Variants in MYH10 observed in about 807,000 individuals in gnomAD.
The protein encoded by MYH10 is myosin-10.
MYH10 carries 55 observed loss-of-function variants against 257.8 expected under a neutral mutation model. That is an observed-to-expected ratio of 0.21 (90% confidence interval 0.17 to 0.27). The LOEUF (loss-of-function observed/expected upper bound fraction) is 0.27. MYH10 is among the 10% of genes least tolerant of loss of function. MYH10 has a pLI of 1.00. For synonymous variants in MYH10, 854 were observed against 921.7 expected, an observed-to-expected ratio of 0.93 and a Z score of 1.33; for missense variants, 1,631 against 2,500.6, an observed-to-expected ratio of 0.65 and a Z score of 7.42.
In MYH10 at chr17:8,552,378, AAAG is replaced by A. The variant is rs1341971824; in HGVS notation, c.821-237_821-235del. Among the ~76,000 whole-genome samples the A allele has an allele frequency of 6.6e-6, 1 of 152,194 alleles. No individual in the cohort carries two copies. Among genetic ancestry groups the A allele is most frequent in the Non-Finnish European group, 1.5e-5 (1 of 68,030 alleles). On this transcript the variant is annotated intron_variant, in intron 8 of 42. Transcript: ENST00000360416. The surrounding 1 kb of genome is among the most constrained non-coding windows in gnomAD (Gnocchi z 4.8). The stretch of plus-strand genomic sequence containing the variant: ...GAATCATTGGTCTGGGAAGGAACTT[AAAG>A]ATTATACGTGCTTCCCTCACTCAGC...
intron 16 of MYH10, among the ~76,000 whole-genome samples, chr17:8,531,929 C>T (rs1188323846): frequency 6.6e-6 from 1 of 152,198 alleles, no homozygotes; most frequent in African/African-American, 2.4e-5. Flanking sequence ...AAATCCTCCA[C>T]CTTAGAACCC....
At chr17:8,550,026 C>T (rs1567885356) in intron 9 of MYH10, among the ~76,000 whole-genome samples, 1 of 150,776 alleles carries the variant, frequency 6.6e-6, no homozygotes, top group Non-Finnish European at 1.5e-5. Flanking sequence ...GTGGCGTGAT[C>T]TCGGCTCGCT....
Position 8,520,874 on chromosome 17 carries a change from A to G in MYH10, c.2273+4T>C. Reference sequence around the variant, plus strand: ...TAAGCAAAAAAAGTAAAAGTTAGCAATACCTCTGTCTGAATTCCTGGAAAA... The same window carrying G: ...TAAGCAAAAAAAGTAAAAGTTAGCAGTACCTCTGTCTGAATTCCTGGAAAA... On this transcript the variant is annotated splice_donor_region_variant and intron_variant, in intron 19 of 42. Coordinates refer to ENST00000360416, the MANE Select transcript of MYH10 (RefSeq NM_001256012.3). The G allele has an allele frequency of 2.5e-6, 4 of 1,602,148 alleles. No homozygotes were observed. The highest frequency in any genetic ancestry group is 3.4e-6 in the Non-Finnish European group (4 of 1,175,390).
chr17:8,501,856 A>G (rs761126946), intron 28 of MYH10, among the ~76,000 whole-genome samples: 1 of 152,204 alleles, frequency 6.6e-6, no homozygotes, highest in Non-Finnish European at 1.5e-5. Context: ...TAATATTTTT[A>G]AAATTGGCTG....
At chr17:8,534,384 C>T (rs978940415) in intron 16 of MYH10, among the ~76,000 whole-genome samples, 1 of 152,190 alleles carries the variant, frequency 6.6e-6, no homozygotes, top group Non-Finnish European at 1.5e-5. Context: ...CAGTGCATCC[C>T]CCCCTGCAGC....
intron 2 of MYH10, among the ~76,000 whole-genome samples, chr17:8,620,923 G>C (rs1379792828): frequency 6.6e-6 from 1 of 152,198 alleles, no homozygotes; most frequent in African/African-American, 2.4e-5. Context: ...AGTTCACTCA[G>C]GTTGTCCATG....
At chr17:8,488,268 C>T (rs1198530828) in intron 35 of MYH10, among the ~76,000 whole-genome samples, 2 of 152,160 alleles carry the variant, frequency 1.3e-5, no homozygotes, top group Non-Finnish European at 2.9e-5. Flanking sequence ...GGGAACTGTG[C>T]TCACACTGTG....
chr17:8,492,557 C>CA (rs779052993), intron 33 of MYH10, 48 bp from the exon 34 acceptor site: 8 of 1,547,596 alleles, frequency 5.2e-6, no homozygotes, highest in Non-Finnish European at 8.8e-7. Flanking sequence ...ACAGTGACAT[C>CA]AACTTTTCTC....
chr17:8,476,196 T>C (rs1021520635), intron 42 of MYH10, among the ~76,000 whole-genome samples: 22 of 152,092 alleles, frequency 1.4e-4, no homozygotes, highest in African/African-American at 5.3e-4. Context: ...CCTAGGACTG[T>C]GTGATGGAAA....
chr17:8,517,207 G>A (rs961359078), intron 21 of MYH10, among the ~76,000 whole-genome samples: 1 of 152,114 alleles, frequency 6.6e-6, no homozygotes, highest in Non-Finnish European at 1.5e-5. Flanking sequence ...GTATCAACCC[G>A]AAGATATCAT....
chr17:8,622,463 A>G (rs915118495), intron 2 of MYH10, among the ~76,000 whole-genome samples: 1 of 152,200 alleles, frequency 6.6e-6, no homozygotes, highest in Non-Finnish European at 1.5e-5. Context: ...TACTACATCC[A>G]GTGAAGCTGT....
intron 9 of MYH10, among the ~76,000 whole-genome samples, chr17:8,551,457 A>G (rs891124820): frequency 2.0e-5 from 3 of 152,238 alleles, no homozygotes; most frequent in African/African-American, 7.2e-5. Context: ...ATAATCATGC[A>G]GAAACACTAA....
intron 13 of MYH10, among the ~76,000 whole-genome samples, chr17:8,544,987 T>C (rs899888989): frequency 8.5e-5 from 13 of 152,198 alleles, no homozygotes; most frequent in African/African-American, 2.9e-4. Flanking sequence ...GTGGCCCCCT[T>C]GATGGTCTCT....
At chr17:8,621,260 A>G (rs1285490496) in intron 2 of MYH10, among the ~76,000 whole-genome samples, 1 of 152,130 alleles carries the variant, frequency 6.6e-6, no homozygotes, top group Non-Finnish European at 1.5e-5. Context: ...CGACATTACA[A>G]TCTGACCATA....
chr17:8,478,070 C>G (rs1414154786), intron 41 of MYH10, among the ~76,000 whole-genome samples: 1 of 152,194 alleles, frequency 6.6e-6, no homozygotes, highest in Non-Finnish European at 1.5e-5. Flanking sequence ...GCAGAAATCC[C>G]TGTACTCACG....
At chr17:8,487,387 A>G (rs753799963) in intron 36 of MYH10, 46 bp downstream of exon 36, 37 of 1,609,332 alleles carry the variant, frequency 2.3e-5, no homozygotes, top group Non-Finnish European at 3.1e-5. Context: ...AAAGCCACAT[A>G]GGTCACGTGG....
At position 8,476,941 on chromosome 17, in the gene MYH10, C is replaced by T; in HGVS notation, c.5814G>A (p.Leu1938=). Residue 1938 remains leucine (L), a synonymous_variant, in exon 42 of 43, where the codon CTG becomes CTA. Coordinates refer to ENST00000360416, the MANE Select transcript of MYH10 (RefSeq NM_001256012.3). ...NASRRKLQRE[L]DDATEANEGL... ...CCTCGTTGGCCTCGGTGGCATCATCCAGTTCCCGCTGGAGTTTACGCCGAG... is the reference window on the plus strand; with the variant it reads ...CCTCGTTGGCCTCGGTGGCATCATCTAGTTCCCGCTGGAGTTTACGCCGAG... 1 of 1,613,840 alleles carries T rather than the reference C, an allele frequency of 6.2e-7. No homozygotes were observed. The highest frequency in any genetic ancestry group is 8.5e-7 in the Non-Finnish European group (1 of 1,180,042).
rs367573246 is a variant in MYH10 at position 8,555,494 on chromosome 17, T to C, written c.757-1476A>G. On this transcript the variant is annotated intron_variant, in intron 7 of 42. Coordinates refer to ENST00000360416, the MANE Select transcript of MYH10 (RefSeq NM_001256012.3). ...GGAATTGATCATGTATGTAAGTTAA[T>C]TCATTTCAACAAATGTGTCAAGGTA... Among the ~76,000 whole-genome samples, 13 of 152,292 alleles carry C rather than the reference T, an allele frequency of 8.5e-5. No homozygotes were observed. In the East Asian group the frequency reaches 2.3e-3, roughly 27 times the overall value.
intron 7 of MYH10, among the ~76,000 whole-genome samples, chr17:8,556,308 T>C (rs2082794272): frequency 2.0e-5 from 3 of 152,362 alleles, no homozygotes; most frequent in Middle Eastern, 6.8e-3. Context: ...CCACATGGAC[T>C]TGTACATGAA....
Sources: allele counts gnomAD v4.1 joint callset (sites outside exome capture counted in the v4.1 genomes callset), GRCh38; gene constraint gnomAD v4.1.1; non-coding constraint Gnocchi (gnomAD v3.1); transcripts MANE v1.5; gene names NCBI Gene and HGNC (gene_info 2026-07-23, HGNC 2026-07-21).